Variants in JMJD1C observed in about 807,000 individuals in gnomAD.
The protein encoded by JMJD1C is jumonji domain containing 1C, also known as jumonji domain-containing protein 1C.
Under a neutral mutation model 245.3 loss-of-function variants are expected in JMJD1C, and 31 were observed. The ratio of observed to expected loss-of-function variants is 0.13; its 90% CI spans 0.09 to 0.17. The LOEUF (loss-of-function observed/expected upper bound fraction) is 0.17. Ranked by LOEUF, JMJD1C falls within the 10% of genes least tolerant of loss-of-function variation. The pLI is 1.00. For synonymous variants in JMJD1C, 1,057 were observed against 1,017.4 expected, an observed-to-expected ratio of 1.04 and a Z score of -0.74; for missense variants, 2,691 against 3,000.2, an observed-to-expected ratio of 0.90 and a Z score of 2.41.
At chr10:63,354,979 C>T (rs553190839) in intron 2 of JMJD1C, among the ~76,000 whole-genome samples, 1 of 151,792 alleles carries the variant, frequency 6.6e-6, no homozygotes, top group African/African-American at 2.4e-5. Flanking sequence ...GCCAAGACTG[C>T]ACTACTGCAC....
At chr10:63,331,120 C>T (rs1942093176) in intron 2 of JMJD1C, among the ~76,000 whole-genome samples, 1 of 152,048 alleles carries the variant, frequency 6.6e-6, no homozygotes, top group African/African-American at 2.4e-5. Flanking sequence ...CTAGTATCTC[C>T]AACATTTAAA....
chr10:63,422,957 C>CTTTTTTTTTTTT (rs34111309), intron 1 of JMJD1C, among the ~76,000 whole-genome samples: 1 of 147,022 alleles, frequency 6.8e-6, no homozygotes. Context: ...GTTACCAAAA[C>CTTTTTTTTTTTT]TTTTTTTTTT....
intron 2 of JMJD1C, chr10:63,372,912 GA>G: frequency 5.8e-6 from 1 of 172,880 alleles, no homozygotes; most frequent in Non-Finnish European, 1.4e-5. Flanking sequence ...TGGGCCAGCG[GA>G]AAAGTAGTAG....
chr10:63,196,801 ATTAC>A (rs1845510528), intron 13 of JMJD1C, among the ~76,000 whole-genome samples: 1 of 152,074 alleles, frequency 6.6e-6, no homozygotes, highest in Non-Finnish European at 1.5e-5. Flanking sequence ...GATTCATTTA[ATTAC>A]TTCCTTTCTG....
intron 2 of JMJD1C, among the ~76,000 whole-genome samples, chr10:63,356,090 G>T (rs566657070): frequency 2.0e-5 from 3 of 152,176 alleles, no homozygotes; most frequent in African/African-American, 7.2e-5. Context: ...TAGTGTTAGG[G>T]TTACACAATC....
chr10:63,511,758 C>T (rs1954879469), intron 1 of JMJD1C, among the ~76,000 whole-genome samples: 1 of 152,030 alleles, frequency 6.6e-6, no homozygotes, highest in Non-Finnish European at 1.5e-5. Flanking sequence ...GATGTGAAAA[C>T]TACATATATG....
chr10:63,328,440 C>T (rs1239987835), intron 2 of JMJD1C, among the ~76,000 whole-genome samples: 4 of 152,100 alleles, frequency 2.6e-5, no homozygotes, highest in Non-Finnish European at 4.4e-5. Flanking sequence ...AAATTCATTA[C>T]GAATTGAAAT....
chr10:63,484,778 G>A (rs893239525), intron 1 of JMJD1C, among the ~76,000 whole-genome samples: 3 of 151,898 alleles, frequency 2.0e-5, no homozygotes, highest in Non-Finnish European at 2.9e-5. Flanking sequence ...ATTGAGCTTT[G>A]ATTATGAGAT....
chr10:63,270,215 G>A (rs1856115720), intron 2 of JMJD1C, among the ~76,000 whole-genome samples: 1 of 152,026 alleles, frequency 6.6e-6, no homozygotes. Flanking sequence ...TACCCAGGCT[G>A]GAGCGCAGTG....
intron 3 of JMJD1C, among the ~76,000 whole-genome samples, chr10:63,247,590 A>C (rs1352402205): frequency 1.3e-5 from 2 of 151,608 alleles, no homozygotes; most frequent in African/African-American, 4.8e-5. Flanking sequence ...AACATACAAA[A>C]TGTATGGTTG....
intron 2 of JMJD1C, among the ~76,000 whole-genome samples, chr10:63,354,303 A>T (rs1213127662): frequency 6.6e-6 from 1 of 152,230 alleles, no homozygotes; most frequent in African/African-American, 2.4e-5. Flanking sequence ...CTAGTTTTTA[A>T]TCTAATGAAA....
At chr10:63,183,337 A>G (rs1843715265) in intron 22 of JMJD1C, 110 bp downstream of exon 22, 3 of 968,660 alleles carry the variant, frequency 3.1e-6, no homozygotes, top group Non-Finnish European at 4.5e-6. Context: ...ATCCATTGCA[A>G]TTCTTTTTGA....
intron 13 of JMJD1C, among the ~76,000 whole-genome samples, chr10:63,195,870 A>G (rs1030367028): frequency 6.6e-6 from 1 of 152,190 alleles, no homozygotes; most frequent in Non-Finnish European, 1.5e-5. Flanking sequence ...TGGAGGTTGC[A>G]GTGAGCCGAG....
intron 2 of JMJD1C, among the ~76,000 whole-genome samples, chr10:63,354,057 T>G (rs1589561570): frequency 6.6e-6 from 1 of 152,150 alleles, no homozygotes; most frequent in African/African-American, 2.4e-5. Flanking sequence ...GCCAGGATGG[T>G]CTTGATCTGT....
intron 3 of JMJD1C, among the ~76,000 whole-genome samples, chr10:63,258,932 AAGGAACTGT>A (rs1241257283): frequency 6.6e-6 from 1 of 152,222 alleles, no homozygotes; most frequent in Non-Finnish European, 1.5e-5. Context: ...ACAAATCTGA[AAGGAACTGT>A]AGGACAAAAA....
chr10:63,213,588 T>G lies in JMJD1C; in HGVS notation c.2579A>C (p.Tyr860Ser). The G allele has an allele frequency of 6.2e-7, 1 of 1,614,132 alleles. No individual in the cohort carries two copies. The highest frequency in any genetic ancestry group is 8.5e-7 in the Non-Finnish European group (1 of 1,179,974). The change falls in exon 8 of 26, where the codon TAT becomes TCT. Residue 860 changes from tyrosine to serine, a missense_variant. Around this residue, in one of 9 missense-constraint regions of JMJD1C, gnomAD observed 1,562 missense variants for 1,490.7 expected, o/e 1.05. Transcript: ENST00000399262. ...ATTTGGATACTGCCAAATAATTGGA[T>G]AAAGTCCAAGCTGATTATATGAAGC... is the stretch of plus-strand genomic sequence containing the variant. ...PSASYNQLGL[Y>S]PIIWQYPNGT...
intron 1 of JMJD1C, among the ~76,000 whole-genome samples, chr10:63,507,653 A>AAAAAAAAAAAAAAAAAC (rs1954762528): frequency 6.7e-6 from 1 of 150,032 alleles, no homozygotes; most frequent in African/African-American, 2.5e-5. Flanking sequence ...TCAAAAAAAA[A>AAAAAAAAAAAAAAAAAC]AAAAAAAAAA....
intron 1 of JMJD1C, among the ~76,000 whole-genome samples, chr10:63,406,904 G>A (rs1226138975): frequency 6.6e-6 from 1 of 152,044 alleles, no homozygotes; most frequent in Non-Finnish European, 1.5e-5. Context: ...TTAACATGCT[G>A]GATGATGAGG....
In JMJD1C at chr10:63,208,411, C is replaced by A. The variant is rs1169963305; in HGVS notation, c.3258G>T (p.Gln1086His). Reference sequence around the variant, plus strand: ...TGAAATAGTTACTTTGGGGTAAACTCTGAGGCACTGAGTGCTTCATTTTAT... The same window carrying A: ...TGAAATAGTTACTTTGGGGTAAACTATGAGGCACTGAGTGCTTCATTTTAT... Reference protein sequence around the residue: ...DLYKMKHSVPQSLPQSNYFTT... With the variant: ...DLYKMKHSVPHSLPQSNYFTT... The change falls in exon 10 of 26, where the codon CAG becomes CAT. Residue 1086 changes from glutamine to histidine, a missense_variant. Gln to His is a conservative substitution (Grantham distance 24). Transcript: ENST00000399262. The A allele has an allele frequency of 1.9e-6, 3 of 1,613,956 alleles. No individual in the cohort carries two copies. The highest frequency in any genetic ancestry group is 1.7e-6 in the Non-Finnish European group (2 of 1,179,934).
Sources: gnomAD v4.1 joint callset for allele counts (sites outside exome capture counted in the v4.1 genomes callset) on GRCh38, gnomAD v4.1.1 for gene constraint, gnomAD v4.1.1 regional missense constraint, MANE v1.5 for transcripts, NCBI Gene and HGNC (gene_info 2026-07-23, HGNC 2026-07-21) for gene names.